THSD7A: variants seen among roughly 807,000 people sequenced by gnomAD.
The protein encoded by THSD7A is thrombospondin type 1 domain containing 7A.
In THSD7A, 96 loss-of-function variants were observed where a neutral mutation model predicts 231.3. The observed-to-expected ratio is 0.41, with a 90% CI of 0.35 to 0.49. The LOEUF is 0.49. Ranked by LOEUF, THSD7A falls within the 20% of genes least tolerant of loss-of-function variation. THSD7A has a pLI of 0.05. For synonymous variants in THSD7A, 940 were observed against 743.3 expected, an observed-to-expected ratio of 1.26 and a Z score of -4.30; for missense variants, 2,290 against 2,070.2, an observed-to-expected ratio of 1.11 and a Z score of -2.06.
intron 23 of THSD7A, among the ~76,000 whole-genome samples, chr7:11,388,678 T>A (rs1782861571): frequency 6.6e-6 from 1 of 152,172 alleles, no homozygotes; most frequent in South Asian, 2.1e-4. Flanking sequence ...GAGTTTTTTG[T>A]GTCTCTATTT....
Position 11,632,581 on chromosome 7 carries a change from T to C in THSD7A, c.1022+3549A>G, listed in dbSNP as rs569381475. On this transcript the variant is annotated intron_variant, in intron 2 of 27. Coordinates refer to ENST00000423059, the MANE Select transcript of THSD7A (RefSeq NM_015204.3). This position sits in a 1 kb window ranked among gnomAD's most constrained non-coding sequence, Gnocchi z 4.1. The stretch of plus-strand genomic sequence containing the variant: ...ATTTTCATTTCCTTCTCTTTTCAGG[T>C]ACATTGACTGGTACTTAGAATGAAA... Among the ~76,000 whole-genome samples, 14 of 152,324 alleles carry C rather than the reference T, an allele frequency of 9.2e-5. No homozygotes were observed. The highest frequency in any genetic ancestry group is 1.9e-4 in the Non-Finnish European group (13 of 68,022).
chr7:11,763,759 T>C (rs568790764), intron 1 of THSD7A, among the ~76,000 whole-genome samples: 105 of 152,300 alleles, frequency 6.9e-4, no homozygotes, highest in African/African-American at 2.2e-3. Flanking sequence ...CCTGCCTTTC[T>C]AGGAAAATGA....
chr7:11,452,173 G>T (rs1279717250), intron 11 of THSD7A, among the ~76,000 whole-genome samples: 1 of 151,934 alleles, frequency 6.6e-6, no homozygotes, highest in African/African-American at 2.4e-5. Context: ...TAAGTAATTA[G>T]ATGAGTGATT....
chr7:11,760,599 A>G (rs1782823463), intron 1 of THSD7A, among the ~76,000 whole-genome samples: 1 of 152,104 alleles, frequency 6.6e-6, no homozygotes, highest in Non-Finnish European at 1.5e-5. Flanking sequence ...TGCCAATTAC[A>G]GCAATATAGC....
chr7:11,565,396 C>T (rs1186395282), intron 4 of THSD7A, among the ~76,000 whole-genome samples: 1 of 152,160 alleles, frequency 6.6e-6, no homozygotes, highest in East Asian at 1.9e-4. Flanking sequence ...GTCGCTTAAA[C>T]ACAAGAGTGA....
intron 8 of THSD7A, among the ~76,000 whole-genome samples, chr7:11,471,746 CAT>C (rs1194235673): frequency 5.9e-5 from 9 of 152,016 alleles, no homozygotes; most frequent in Admixed American, 6.6e-5. Flanking sequence ...TTTATTATTA[CAT>C]GTTAGATTAT....
chr7:11,743,155 G>A (rs868424582), intron 1 of THSD7A, among the ~76,000 whole-genome samples: 2 of 151,704 alleles, frequency 1.3e-5, no homozygotes, highest in African/African-American at 4.8e-5. Context: ...TAACATTTAC[G>A]AACACATACA....
chr7:11,689,860 C>A (rs1382027610), intron 1 of THSD7A, among the ~76,000 whole-genome samples: 1 of 149,218 alleles, frequency 6.7e-6, no homozygotes, highest in African/African-American at 2.5e-5. Flanking sequence ...CAAAGCATTT[C>A]TGCCAAGCCA....
At chr7:11,459,999 G>A (rs1331788461) in intron 11 of THSD7A, among the ~76,000 whole-genome samples, 1 of 151,908 alleles carries the variant, frequency 6.6e-6, no homozygotes, top group Non-Finnish European at 1.5e-5. Flanking sequence ...TGCTATGTCT[G>A]GAAGAAACAA....
At chr7:11,602,499 G>C (rs1780586450) in intron 2 of THSD7A, among the ~76,000 whole-genome samples, 1 of 152,014 alleles carries the variant, frequency 6.6e-6, no homozygotes, top group African/African-American at 2.4e-5. Flanking sequence ...AGGTTACTAT[G>C]GTGAATTTCA....
intron 1 of THSD7A, among the ~76,000 whole-genome samples, chr7:11,818,227 C>A (rs1024193060): frequency 6.6e-6 from 1 of 152,180 alleles, no homozygotes; most frequent in African/African-American, 2.4e-5. Context: ...TTTCTACAGA[C>A]TACACAGAAC....
chr7:11,391,863 C>T (rs552977241), intron 23 of THSD7A, among the ~76,000 whole-genome samples: 19 of 152,032 alleles, frequency 1.2e-4, no homozygotes, highest in Non-Finnish European at 2.1e-4. Flanking sequence ...ATCCCTGACC[C>T]CTTGCGCTCC....
intron 16 of THSD7A, among the ~76,000 whole-genome samples, 185 bp from the exon 17 acceptor site, chr7:11,417,788 T>C (rs1784012356): frequency 6.6e-6 from 1 of 152,170 alleles, no homozygotes; most frequent in African/African-American, 2.4e-5. Flanking sequence ...AAAAGGATCT[T>C]TGCCTCTCCT....
Position 11,598,922 on chromosome 7 carries a change from C to T in THSD7A, c.1023-5420G>A, listed in dbSNP as rs562648175. Among the ~76,000 whole-genome samples, 27 of 152,242 alleles carry T rather than the reference C, an allele frequency of 1.8e-4. 1 individual carries two copies. The South Asian group carries it at 5.4e-3, about 30-fold the overall frequency. On this transcript the variant is annotated intron_variant, in intron 2 of 27. Coordinates refer to ENST00000423059, the MANE Select transcript of THSD7A (RefSeq NM_015204.3). ...GGAAGTTAAGGTTGCTACCTGGACA[C>T]TTTGGGCTCCTTCTACCTTTAACTC...
intron 1 of THSD7A, among the ~76,000 whole-genome samples, chr7:11,795,345 C>G (rs80153280): frequency 6.6e-6 from 1 of 151,722 alleles, no homozygotes; most frequent in Non-Finnish European, 1.5e-5. Context: ...CTTATAACCC[C>G]GAGCTCTACC....
chr7:11,422,143 T>TA, intron 16 of THSD7A, among the ~76,000 whole-genome samples: 1 of 152,244 alleles, frequency 6.6e-6, no homozygotes, highest in African/African-American at 2.4e-5. Flanking sequence ...ATTTTCTGCA[T>TA]AGATTTAAAA....
chr7:11,625,606 T>G (rs1781450054), intron 2 of THSD7A, among the ~76,000 whole-genome samples: 1 of 151,942 alleles, frequency 6.6e-6, no homozygotes, highest in Non-Finnish European at 1.5e-5. Flanking sequence ...AAAGTGTGAG[T>G]AGAGGCCTAA....
At chr7:11,507,935 T>C (rs963285143) in intron 6 of THSD7A, among the ~76,000 whole-genome samples, 6 of 152,216 alleles carry the variant, frequency 3.9e-5, no homozygotes, top group African/African-American at 1.4e-4. Flanking sequence ...AGAGGTTTAA[T>C]TGACTCACAG....
At chr7:11,478,836 G>A (rs985830334) in intron 7 of THSD7A, among the ~76,000 whole-genome samples, 4 of 152,066 alleles carry the variant, frequency 2.6e-5, no homozygotes, top group African/African-American at 9.7e-5. Flanking sequence ...TAAATCAGGG[G>A]TAAGAGTACT....
Sources: allele counts gnomAD v4.1 joint callset (sites outside exome capture counted in the v4.1 genomes callset), GRCh38; gene constraint gnomAD v4.1.1; non-coding constraint Gnocchi (gnomAD v3.1); transcripts MANE v1.5; gene names NCBI Gene and HGNC (gene_info 2026-07-23, HGNC 2026-07-21).